UBR4: variants seen among roughly 807,000 people sequenced by gnomAD.
UBR4 encodes E3 ubiquitin-protein ligase UBR4.
In UBR4, 124 loss-of-function variants were observed where a neutral mutation model predicts 575.6. The ratio of observed to expected loss-of-function variants is 0.22; its 90% confidence interval spans 0.19 to 0.25. The LOEUF (loss-of-function observed/expected upper bound fraction) is 0.25, where lower values mean the gene tolerates loss of function less well. UBR4 is among the 10% of genes least tolerant of loss of function. The pLI, the probability that UBR4 is intolerant of heterozygous loss-of-function variation, is 1.00. For synonymous variants in UBR4, 2,455 were observed against 2,473.7 expected, an observed-to-expected ratio of 0.99 and a Z score of 0.22; for missense variants, 4,818 against 6,478.8, an observed-to-expected ratio of 0.74 and a Z score of 8.80.
rs61447342 is a variant in UBR4 at position 19,183,637 on chromosome 1, G to A, written c.2184+174C>T. On this transcript the variant is annotated intron_variant, in intron 17 of 105. Transcript: ENST00000375254. ...CTCTGGAGGCTGAGGCAGGAGAATCGCTTGAACCTGGGAGGTGGAGGTTGC... is the reference window on the plus strand; with the variant it reads ...CTCTGGAGGCTGAGGCAGGAGAATCACTTGAACCTGGGAGGTGGAGGTTGC... 0.088 allele frequency among the ~76,000 whole-genome samples: 13,430 copies of A among 152,200 alleles called. 908 individuals carry two copies. Among genetic ancestry groups the A allele is most frequent in the East Asian group, 0.36 (1,837 of 5,160 alleles).
At position 19,164,965 on chromosome 1, in the gene UBR4, G is replaced by A; in HGVS notation, c.4345C>T (p.Leu1449Phe). Residue 1449 changes from leucine to phenylalanine, a missense_variant, in exon 32 of 106, where the codon CTC (leucine) becomes TTC (phenylalanine). Leu to Phe is a conservative substitution (Grantham distance 22). Around this residue, in one of 29 missense-constraint regions of UBR4, gnomAD observed 1,172 missense variants for 1,259.7 expected, o/e 0.93. Coordinates refer to ENST00000375254, the MANE Select transcript of UBR4 (RefSeq NM_020765.3). Reference sequence around the variant, plus strand: ...GCCAGTTGTGCCAGGGAGCCACAGAGATGCAACAGGCTCGGGTTAGGGCTC... The same window carrying A: ...GCCAGTTGTGCCAGGGAGCCACAGAAATGCAACAGGCTCGGGTTAGGGCTC... ...EKSPNPSLLH[L>F]CGSLAQLACV... 6.2e-7 allele frequency: 1 copy of A among 1,614,166 alleles called. No individual in the cohort carries two copies. Among genetic ancestry groups the A allele is most frequent in the Non-Finnish European group, 8.5e-7 (1 of 1,180,034 alleles).
intron 58 of UBR4, 59 bp downstream of exon 58, chr1:19,140,729 G>A: frequency 3.3e-6 from 5 of 1,525,370 alleles, no homozygotes; most frequent in African/African-American, 2.7e-5. Context: ...TCACAGCAGT[G>A]GAAACAAGGC....
At chr1:19,141,911 G>A (rs539596682) in intron 55 of UBR4, 134 bp from the exon 56 acceptor site, 125 of 1,261,064 alleles carry the variant, frequency 9.9e-5, no homozygotes, top group South Asian at 2.0e-4. Context: ...GGAGAACTCC[G>A]GGGTGCTATG....
chr1:19,166,948 G>C, intron 29 of UBR4, 74 bp downstream of exon 29: 1 of 1,485,180 alleles, frequency 6.7e-7, no homozygotes, highest in South Asian at 1.1e-5. Flanking sequence ...TGACCTAAAG[G>C]CAGCAGTGTT....
intron 1 of UBR4, among the ~76,000 whole-genome samples, chr1:19,202,873 T>C (rs2092812149): frequency 6.6e-6 from 1 of 151,888 alleles, no homozygotes. Context: ...GATGACGAGA[T>C]CAGGAGTTCA....
At position 19,143,994 on chromosome 1, in the gene UBR4, C is replaced by T. The variant is rs1400418124; in HGVS notation, c.8165G>A (p.Ser2722Asn). Residue 2722 changes from serine to asparagine, a missense_variant, in exon 55 of 106, where the codon AGC becomes AAC. Physicochemically the swap from Ser to Asn is conservative, Grantham distance 46. This residue lies in a region of UBR4 where 129 missense variants were observed against 198.4 expected (regional missense o/e 0.65). Coordinates refer to ENST00000375254, the MANE Select transcript of UBR4 (RefSeq NM_020765.3). Reference protein sequence around the residue: ...RHVTLPSSPRSNTPMGDKDDD... With the variant: ...RHVTLPSSPRNNTPMGDKDDD... ...CCTCATATTACCCATTGGAGTGTTG[C>T]TTCGAGGGGAAGAGGGTAAAGTCAC... 1.2e-6 allele frequency: 2 copies of T among 1,613,624 alleles called. No individual in the cohort carries two copies. Among genetic ancestry groups the T allele is most frequent in the Admixed American group, 1.7e-5 (1 of 59,996 alleles).
intron 11 of UBR4, among the ~76,000 whole-genome samples, chr1:19,191,942 C>T (rs1018562243): frequency 2.6e-5 from 4 of 152,212 alleles, no homozygotes; most frequent in South Asian, 4.1e-4. Context: ...CTGAAATACA[C>T]ATTGCACAGA....
chr1:19,078,875 C>G (rs891841426), intron 103 of UBR4: 5 of 152,160 alleles, frequency 3.3e-5, no homozygotes, highest in Non-Finnish European at 5.9e-5. Context: ...CCAGGTAGAG[C>G]CAGTATGAAA....
intron 23 of UBR4, 56 bp downstream of exon 23, chr1:19,173,383 C>T (rs1460573113): frequency 1.4e-5 from 22 of 1,611,468 alleles, no homozygotes; most frequent in Non-Finnish European, 1.9e-5. Context: ...TTAAAAGCTC[C>T]AGTAAGCACA....
chr1:19,115,257 C>T, intron 74 of UBR4, 141 bp downstream of exon 74: 2 of 1,288,404 alleles, frequency 1.6e-6, no homozygotes, highest in Non-Finnish European at 2.1e-6. Context: ...TCCCTTTCTA[C>T]CCTTGAACCC....
At chr1:19,156,705 G>T in intron 41 of UBR4, 62 bp downstream of exon 41, 1 of 1,565,198 alleles carries the variant, frequency 6.4e-7, no homozygotes, top group Non-Finnish European at 8.7e-7. Flanking sequence ...TCTGAGAACA[G>T]GGGAGAGAAA....
intron 25 of UBR4, among the ~76,000 whole-genome samples, chr1:19,171,464 G>A (rs1472663244): frequency 6.6e-6 from 1 of 152,124 alleles, no homozygotes; most frequent in Non-Finnish European, 1.5e-5. Flanking sequence ...TCAAACAACA[G>A]CCCTCTATCT....
At chr1:19,125,450 G>C (rs1297909556) in intron 64 of UBR4, among the ~76,000 whole-genome samples, 2 of 152,226 alleles carry the variant, frequency 1.3e-5, no homozygotes, top group Non-Finnish European at 2.9e-5. Context: ...TGATGGCAGG[G>C]AGTATATGTT....
intron 51 of UBR4, among the ~76,000 whole-genome samples, chr1:19,147,560 T>A (rs1189823001): frequency 6.6e-6 from 1 of 152,198 alleles, no homozygotes; most frequent in East Asian, 1.9e-4. Context: ...TTTCCCCAGA[T>A]GTTCCCATCA....
chr1:19,197,640 G>C lies in UBR4; in HGVS notation c.893+30C>G, dbSNP rs372146205. ...AGACCCTGTCCCAAAAACAAAAAAA[G>C]TAAAGCATGTGCACTGTGAAGCACC... On this transcript the variant is annotated intron_variant, in intron 7 of 105. Coordinates refer to ENST00000375254, the MANE Select transcript of UBR4 (RefSeq NM_020765.3). 15 of 1,610,046 alleles carry C rather than the reference G, an allele frequency of 9.3e-6. 1 individual carries two copies. The highest frequency in any genetic ancestry group is 1.3e-5 in the Non-Finnish European group (15 of 1,178,844).
chr1:19,111,577 A>G (rs1166618447), intron 78 of UBR4: 1 of 151,794 alleles, frequency 6.6e-6, no homozygotes, highest in Admixed American at 6.6e-5. Context: ...TTGACCTCCC[A>G]AAGTGCTGGG....
At chr1:19,086,870 G>A (rs1442502749) in intron 99 of UBR4, 49 bp from the exon 100 acceptor site, 2 of 1,604,916 alleles carry the variant, frequency 1.2e-6, no homozygotes, top group Non-Finnish European at 8.5e-7. Flanking sequence ...TCCAAGTCAG[G>A]CTCAGGAGAA....
At chr1:19,158,985 T>C (rs775970028) in intron 39 of UBR4, among the ~76,000 whole-genome samples, 2 of 151,860 alleles carry the variant, frequency 1.3e-5, no homozygotes, top group Non-Finnish European at 2.9e-5. Context: ...CTACTAAAAA[T>C]ACAAAAATTA....
intron 83 of UBR4, 72 bp downstream of exon 83, chr1:19,106,497 G>A (rs1022121951): frequency 2.0e-6 from 3 of 1,479,744 alleles, no homozygotes; most frequent in Non-Finnish European, 2.7e-6. Context: ...ACATGGTGAG[G>A]GGCAGAAACA....
Sources: allele counts gnomAD v4.1 joint callset (sites outside exome capture counted in the v4.1 genomes callset), GRCh38; gene constraint gnomAD v4.1.1; regional missense constraint gnomAD v4.1.1; transcripts MANE v1.5; gene names NCBI Gene and HGNC (gene_info 2026-07-23, HGNC 2026-07-21).